Variants in RALYL observed in about 807,000 individuals in gnomAD.
RALYL encodes the protein RNA-binding Raly-like protein.
Under a neutral mutation model 35.1 loss-of-function variants are expected in RALYL, and 29 were observed. The ratio of observed to expected loss-of-function variants is 0.83; its 90% CI spans 0.61 to 1.13. The LOEUF (loss-of-function observed/expected upper bound fraction) is 1.13, where lower values mean the gene tolerates loss of function less well. Ranked by LOEUF, RALYL falls within the 50% of genes most tolerant of loss-of-function variation. The pLI, the probability that RALYL is intolerant of heterozygous loss-of-function variation, is 0.00. For missense variants in RALYL, 359 were observed against 360.4 expected (o/e 1.00, Z 0.03); for synonymous variants, 120 against 127.6 (o/e 0.94, Z 0.40).
chr8:84,422,200 C>G (rs972595700), intron 1 of RALYL, among the ~76,000 whole-genome samples: 4 of 123,392 alleles, frequency 3.2e-5, no homozygotes, highest in Non-Finnish European at 6.7e-5. Context: ...GGTTGGTAAA[C>G]TATTGATTAT....
intron 1 of RALYL, among the ~76,000 whole-genome samples, chr8:84,296,278 T>G (rs1376918938): frequency 6.6e-6 from 1 of 152,140 alleles, no homozygotes; most frequent in East Asian, 1.9e-4. Context: ...AATGCAGATT[T>G]GCTCAAAGGT....
chr8:84,750,932 G>T (rs1027145788), intron 2 of RALYL, among the ~76,000 whole-genome samples: 1 of 152,106 alleles, frequency 6.6e-6, no homozygotes, highest in South Asian at 2.1e-4. Context: ...AACAGAAAAT[G>T]AACTAAGACT....
intron 1 of RALYL, among the ~76,000 whole-genome samples, chr8:84,286,932 T>A (rs1190539786): frequency 1.3e-5 from 2 of 152,018 alleles, no homozygotes; most frequent in East Asian, 3.9e-4. Flanking sequence ...TTGGTGGGGG[T>A]CCCGGTTTCT....
intron 1 of RALYL, among the ~76,000 whole-genome samples, chr8:84,260,605 AGAG>A (rs1269058666): frequency 1.3e-5 from 2 of 152,190 alleles, no homozygotes; most frequent in East Asian, 1.9e-4. Flanking sequence ...CTCAAATTAA[AGAG>A]GAGAAGTTGC....
intron 2 of RALYL, among the ~76,000 whole-genome samples, chr8:84,644,645 C>T (rs1253916259): frequency 6.6e-6 from 1 of 152,036 alleles, no homozygotes; most frequent in Admixed American, 6.6e-5. Context: ...GATTCCATCC[C>T]TGCCTTCCTG....
chr8:84,687,087 T>C (rs1455196433), intron 2 of RALYL, among the ~76,000 whole-genome samples: 3 of 152,200 alleles, frequency 2.0e-5, no homozygotes, highest in Non-Finnish European at 4.4e-5. Flanking sequence ...TGTGTTCTGA[T>C]ATATTACAAA....
At chr8:84,630,534 T>G (rs1294397921) in intron 2 of RALYL, among the ~76,000 whole-genome samples, 1 of 152,076 alleles carries the variant, frequency 6.6e-6, no homozygotes, top group Non-Finnish European at 1.5e-5. Context: ...GTTTCTCCGC[T>G]GCTTCCATGT....
chr8:84,338,061 A>G (rs1848145962), intron 1 of RALYL, among the ~76,000 whole-genome samples: 1 of 151,956 alleles, frequency 6.6e-6, no homozygotes, highest in African/African-American at 2.4e-5. Flanking sequence ...AATTACCCGT[A>G]CTCAGGTTTT....
chr8:84,393,826 G>A (rs1861225526), intron 1 of RALYL, among the ~76,000 whole-genome samples: 1 of 152,074 alleles, frequency 6.6e-6, no homozygotes, highest in South Asian at 2.1e-4. Flanking sequence ...CTCATAAAGT[G>A]TGAAAATTAA....
At position 84,920,918 on chromosome 8, in the gene RALYL, A is replaced by G. The variant is rs1000272413; in HGVS notation, c.*7A>G. On this transcript the variant is annotated 3_prime_UTR_variant, in exon 9 of 9. Coordinates refer to ENST00000521268, the MANE Select transcript of RALYL (RefSeq NM_173848.7). ...GTTTCTACAGATAAAGTGATCTGAA[A>G]TAACGCATGATGCCACAAAGCAGAA... 1.4e-6 allele frequency: 2 copies of G among 1,443,342 alleles called. No homozygotes were observed. Among genetic ancestry groups the G allele is most frequent in the Non-Finnish European group, 1.9e-6 (2 of 1,081,080 alleles). The allele number at this position is 1,443,342 out of a possible 1,614,324, so 89.4% of individuals were successfully genotyped here. A position where few individuals can be genotyped will look rare whatever the true frequency, so the allele number is the denominator to read the frequency against.
intron 2 of RALYL, among the ~76,000 whole-genome samples, chr8:84,557,167 G>T (rs1373927674): frequency 6.6e-6 from 1 of 152,120 alleles, no homozygotes; most frequent in Non-Finnish European, 1.5e-5. Flanking sequence ...TTGCCCTGGT[G>T]CCAGGAAAAG....
At chr8:84,779,789 C>T (rs1226229352) in intron 3 of RALYL, among the ~76,000 whole-genome samples, 1 of 152,212 alleles carries the variant, frequency 6.6e-6, no homozygotes, top group Non-Finnish European at 1.5e-5. Flanking sequence ...GTGATTCATT[C>T]ACCACTGGAC....
intron 2 of RALYL, among the ~76,000 whole-genome samples, chr8:84,675,124 C>G (rs1405097532): frequency 6.6e-6 from 1 of 151,982 alleles, no homozygotes; most frequent in Non-Finnish European, 1.5e-5. Flanking sequence ...ATCGTATTTC[C>G]AATTCCATGC....
intron 2 of RALYL, among the ~76,000 whole-genome samples, chr8:84,553,296 G>T (rs1168889864): frequency 2.0e-5 from 3 of 152,036 alleles, no homozygotes; most frequent in African/African-American, 7.2e-5. Flanking sequence ...CAAGTAATTG[G>T]GACTACAGGC....
intron 2 of RALYL, among the ~76,000 whole-genome samples, chr8:84,671,221 T>A (rs967471221): frequency 6.6e-6 from 1 of 152,152 alleles, no homozygotes; most frequent in East Asian, 1.9e-4. Flanking sequence ...GCTCCCACAG[T>A]CTTGGCCAGC....
chr8:84,213,054 G>C (rs1819890063), intron 1 of RALYL, among the ~76,000 whole-genome samples: 1 of 152,034 alleles, frequency 6.6e-6, no homozygotes, highest in Admixed American at 6.6e-5. Context: ...AATTCTCAGA[G>C]TATATAGATA....
intron 1 of RALYL, among the ~76,000 whole-genome samples, chr8:84,354,877 C>T (rs1380423179): frequency 6.7e-6 from 1 of 150,260 alleles, no homozygotes; most frequent in Admixed American, 6.6e-5. Context: ...TAGGACCTCA[C>T]AAAATAGCTC....
intron 1 of RALYL, among the ~76,000 whole-genome samples, chr8:84,213,193 C>G (rs1004182781): frequency 6.6e-6 from 1 of 152,002 alleles, no homozygotes; most frequent in African/African-American, 2.4e-5. Context: ...GAGTTCGAGA[C>G]CAGCCTGACC....
chr8:84,286,952 C>T lies in RALYL; in HGVS notation c.-24+102528C>T, dbSNP rs184815092. ...GGGGGTCCCGGTTTCTGGAAAACAA[C>T]TTAGGGATGTAAATTAAGATGTTAT... is the stretch of plus-strand genomic sequence containing the variant. On this transcript the variant is annotated intron_variant, in intron 1 of 8. Coordinates refer to ENST00000521268, the MANE Select transcript of RALYL (RefSeq NM_173848.7). Among the ~76,000 whole-genome samples, 109 of 152,216 alleles carry T rather than the reference C, an allele frequency of 7.2e-4. 1 individual carries two copies. Among genetic ancestry groups the T allele is most frequent in the African/African-American group, 2.6e-3 (108 of 41,544 alleles).
Sources: gnomAD v4.1 joint callset for allele counts (sites outside exome capture counted in the v4.1 genomes callset) on GRCh38, gnomAD v4.1.1 for gene constraint, MANE v1.5 for transcripts, NCBI Gene and HGNC (gene_info 2026-07-23, HGNC 2026-07-21) for gene names.